SMC4: variants seen among roughly 807,000 people sequenced by gnomAD.
SMC4 encodes the protein structural maintenance of chromosomes 4.
In SMC4, 87 loss-of-function variants were observed where a neutral mutation model predicts 145.6. The ratio of observed to expected loss-of-function variants is 0.60; its 90% CI spans 0.50 to 0.71. SMC4 has a LOEUF of 0.71. SMC4 is among the 30% of genes least tolerant of loss of function. The pLI, the probability that SMC4 is intolerant of heterozygous loss-of-function variation, is 0.00. For synonymous variants in SMC4, 558 were observed against 500.7 expected (o/e 1.11, Z -1.53); for missense variants, 1,447 against 1,537.1 (o/e 0.94, Z 0.98).
Position 160,433,054 on chromosome 3 carries a change from A to G in SMC4, c.3559A>G (p.Lys1187Glu), listed in dbSNP as rs1259929676. ...SVRPPKKSWK[K>E]IFNLSGGEKT... ...TCGACCACCTAAGAAAAGTTGGAAA[A>G]AGATCTTCAACCTTTCGGGAGGAGA... The change falls in exon 23 of 24, where the codon AAG (lysine) becomes GAG (glutamate). Residue 1187 changes from lysine (K) to glutamate (E), a missense_variant. Physicochemically the swap from Lys to Glu is moderately conservative, Grantham distance 56. Transcript: ENST00000357388. 7 of 1,613,290 alleles carry G rather than the reference A, an allele frequency of 4.3e-6. No individual in the cohort carries two copies. The African/African-American group carries it at 6.7e-5, about 15-fold the overall frequency.
chr3:160,421,603 G>A (rs1298074333), intron 13 of SMC4, among the ~76,000 whole-genome samples: 1 of 152,104 alleles, frequency 6.6e-6, no homozygotes, highest in African/African-American at 2.4e-5. Flanking sequence ...AATTAGCTAG[G>A]CATGGTAGCA....
intron 17 of SMC4, among the ~76,000 whole-genome samples, chr3:160,427,785 T>C (rs944370468): frequency 6.6e-6 from 1 of 152,214 alleles, no homozygotes; most frequent in Non-Finnish European, 1.5e-5. Context: ...GTGCAAACAT[T>C]TTATATTTAA....
intron 8 of SMC4, chr3:160,413,999 CTA>C (rs1716320628): frequency 3.0e-6 from 1 of 334,106 alleles, no homozygotes; most frequent in Admixed American, 4.9e-5. Context: ...ACTAGTATCT[CTA>C]ATTATTTTTA....
At chr3:160,410,543 T>C (rs958562153) in intron 5 of SMC4, among the ~76,000 whole-genome samples, 2 of 152,238 alleles carry the variant, frequency 1.3e-5, no homozygotes, top group Non-Finnish European at 2.9e-5. Context: ...TTTTCACTTA[T>C]ATACCGATTC....
rs1196737519 is a variant in SMC4, at chr3:160,430,596, T to A, written c.2796-3T>A. On this transcript the variant is annotated splice_region_variant and splice_polypyrimidine_tract_variant and intron_variant, in intron 18 of 23. Transcript: ENST00000357388. ...TTTTTGATGCATCATTTTGCTTCTT[T>A]AGAAACCTTCAAAAGGCACAAGACT... The A allele has an allele frequency of 6.4e-7, 1 of 1,568,032 alleles. No individual in the cohort carries two copies. Among genetic ancestry groups the A allele is most frequent in the Non-Finnish European group, 8.6e-7 (1 of 1,160,918 alleles).
rs371109346 is a variant in SMC4 at position 160,401,992 on chromosome 3, A to G, written c.217A>G (p.Met73Val). 9 of 1,605,554 alleles carry G rather than the reference A, an allele frequency of 5.6e-6. No homozygotes were observed. The highest frequency in any genetic ancestry group is 3.4e-5 in the South Asian group (3 of 89,512). The part of the protein sequence containing the change: ...NSIPPPPPPA[M>V]TNEAGAPRLM... ...CATTCCTCCTCCCCCGCCTCCAGCA[A>G]TGACCAATGAAGCTGGAGCTCCTCG... is the stretch of plus-strand genomic sequence containing the variant. Residue 73 changes from methionine (M) to valine (V), a missense_variant, in exon 3 of 24, where the codon ATG (methionine) becomes GTG (valine). Physicochemically the swap from Met to Val is conservative, Grantham distance 21. Coordinates refer to ENST00000357388, the MANE Select transcript of SMC4 (RefSeq NM_001002800.3).
At chr3:160,433,310 T>G in intron 23 of SMC4, 101 bp downstream of exon 23, 1 of 808,328 alleles carries the variant, frequency 1.2e-6, no homozygotes, top group African/African-American at 1.7e-5. Context: ...TTTTTCTTTA[T>G]TGTCTAATAA....
rs10547167 is a variant in SMC4 at position 160,409,265 on chromosome 3, CAAAAAAAAAAAAAAAAA to C, written c.688-2644_688-2628del. ...TGGGCGACAGAGCGAAACTCCGTCT[CAAAAAAAAAAAAAAAAA>C]AAAAAAAAAAGACTGAATGTTATAC... On this transcript the variant is annotated intron_variant, in intron 5 of 23. Coordinates refer to ENST00000357388, the MANE Select transcript of SMC4 (RefSeq NM_001002800.3). 1.1e-4 allele frequency among the ~76,000 whole-genome samples: 7 copies of C among 61,946 alleles called. No homozygotes were observed. In the East Asian group the frequency reaches 4.4e-3, roughly 39 times the overall value. 40.6% of individuals were successfully genotyped at this position (61,946 alleles called of 152,430 possible).
rs537587057 is a variant in SMC4 at position 160,421,334 on chromosome 3, G to C, written c.2019+433G>C. ...TGATGGGTTTTGACGATTATTTTATGTTCTGGGGTTATATGATTATAAAAA... is the reference window on the plus strand; with the variant it reads ...TGATGGGTTTTGACGATTATTTTATCTTCTGGGGTTATATGATTATAAAAA... On this transcript the variant is annotated intron_variant, in intron 13 of 23. Coordinates refer to ENST00000357388, the MANE Select transcript of SMC4 (RefSeq NM_001002800.3). Among the ~76,000 whole-genome samples the C allele has an allele frequency of 5.3e-5, 8 of 152,268 alleles. 1 individual carries two copies. The highest frequency in any genetic ancestry group is 1.9e-4 in the African/African-American group (8 of 41,560).
At chr3:160,420,150 C>G (rs1157695980) in intron 12 of SMC4, among the ~76,000 whole-genome samples, 1 of 152,132 alleles carries the variant, frequency 6.6e-6, no homozygotes, top group African/African-American at 2.4e-5. Context: ...CCACCTATTT[C>G]CTGCCCTCCA....
At chr3:160,411,293 AC>A (rs1715967029) in intron 5 of SMC4, among the ~76,000 whole-genome samples, 1 of 152,170 alleles carries the variant, frequency 6.6e-6, no homozygotes, top group African/African-American at 2.4e-5. Context: ...TTCTGTTATT[AC>A]CATGAGAAAT....
rs772248132 is a variant in SMC4, at chr3:160,416,413, GAAGT to G, written c.1437+3_1437+6del. The G allele has an allele frequency of 1.1e-5, 15 of 1,396,726 alleles. No homozygotes were observed. The highest frequency in any genetic ancestry group is 5.1e-5 in the South Asian group (3 of 59,332). The allele number at this position is 1,396,726 out of a possible 1,614,324, so 86.5% of individuals were successfully genotyped here. ...AACACAAGGGCTTCAGAAAGAAAAA[GAAGT>G]AAGTTTTTTTTTTTTATCAGTGTTT... On this transcript the variant is annotated splice_donor_variant and coding_sequence_variant, in exon 10 of 24. Transcript: ENST00000357388. LOFTEE classifies it high-confidence loss of function.
chr3:160,429,041 G>C (rs1718091700), intron 18 of SMC4, 99 bp downstream of exon 18: 2 of 1,030,630 alleles, frequency 1.9e-6, no homozygotes, highest in Admixed American at 3.0e-5. Context: ...TTCTCTTACT[G>C]TTAATTTATT....
intron 7 of SMC4, among the ~76,000 whole-genome samples, chr3:160,413,128 AT>A (rs1292415773): frequency 1.3e-5 from 2 of 151,588 alleles, no homozygotes; most frequent in African/African-American, 4.8e-5. Flanking sequence ...TGTTGCTGGG[AT>A]TTTTTTGTTT....
At chr3:160,406,385 A>G (rs960500089) in intron 5 of SMC4, among the ~76,000 whole-genome samples, 3 of 152,102 alleles carry the variant, frequency 2.0e-5, no homozygotes, top group Non-Finnish European at 4.4e-5. Context: ...GGAAAGTGAC[A>G]ATGGTTTCTA....
At chr3:160,416,592 G>GT in intron 10 of SMC4, 177 bp downstream of exon 10, 1 of 378,778 alleles carries the variant, frequency 2.6e-6, no homozygotes, top group East Asian at 4.0e-5. Flanking sequence ...CTGCTGACAT[G>GT]TTTTTTAAAA....
rs142714553 is a variant in SMC4, at chr3:160,402,786, A to G, written c.429A>G (p.Ser143=). 319 of 1,611,616 alleles carry G rather than the reference A, an allele frequency of 2.0e-4. 2 individuals carry two copies. The highest frequency in any genetic ancestry group is 1.2e-3 in the South Asian group (107 of 90,632). The part of the protein sequence containing the change: ...RAQKIRSKKL[S]VLIHNSDEHK... ...AAAAAATAAGATCTAAAAAACTCTC[A>G]GTATTAATACATAATTCTGATGAAC... Residue 143 remains serine (S), a synonymous_variant, in exon 4 of 24, where the codon TCA becomes TCG. Coordinates refer to ENST00000357388, the MANE Select transcript of SMC4 (RefSeq NM_001002800.3).
chr3:160,418,027 A>C, intron 11 of SMC4, 71 bp downstream of exon 11: 4 of 1,249,546 alleles, frequency 3.2e-6, no homozygotes, highest in Non-Finnish European at 4.5e-6. Flanking sequence ...TTTGTTTTTA[A>C]TCTCCGCGTC....
intron 2 of SMC4, among the ~76,000 whole-genome samples, chr3:160,401,326 A>G (rs966853425): frequency 6.6e-6 from 1 of 152,128 alleles, no homozygotes; most frequent in South Asian, 2.1e-4. Flanking sequence ...GACAATCAAT[A>G]TGACTATGTG....
Sources: allele counts gnomAD v4.1 joint callset (sites outside exome capture counted in the v4.1 genomes callset), GRCh38; gene constraint gnomAD v4.1.1; transcripts MANE v1.5; gene names NCBI Gene and HGNC (gene_info 2026-07-23, HGNC 2026-07-21).